The following WDR17 variants were observed in gnomAD, a reference collection of about 807,000 sequenced individuals.
The protein encoded by WDR17 is WD repeat domain 17.
WDR17 carries 143 observed loss-of-function variants against 161.7 expected under a neutral mutation model. The observed-to-expected ratio is 0.88, with a 90% confidence interval of 0.77 to 1.02. The LOEUF (loss-of-function observed/expected upper bound fraction) is 1.02. Ranked by LOEUF, WDR17 falls within the 50% of genes least tolerant of loss-of-function variation. WDR17 has a pLI of 0.00. For synonymous variants in WDR17, 517 were observed against 515.6 expected (o/e 1.00, Z -0.04); for missense variants, 1,469 against 1,520.9 (o/e 0.97, Z 0.57).
chr4:176,075,743 G>A (rs1267661888), intron 1 of WDR17, among the ~76,000 whole-genome samples: 1 of 152,116 alleles, frequency 6.6e-6, no homozygotes, highest in East Asian at 1.9e-4. Context: ...GGAGGCTGAG[G>A]CAGGAGGGTC....
chr4:176,109,120 G>A (rs960022814), intron 1 of WDR17, among the ~76,000 whole-genome samples: 4 of 152,072 alleles, frequency 2.6e-5, no homozygotes, highest in African/African-American at 9.7e-5. Flanking sequence ...TGTGTTTAAA[G>A]ATTTTTCTTT....
chr4:176,097,257 C>A (rs1393839223), intron 1 of WDR17, among the ~76,000 whole-genome samples: 1 of 151,836 alleles, frequency 6.6e-6, no homozygotes, highest in Non-Finnish European at 1.5e-5. Context: ...TAAATGAAGA[C>A]AATTTGTATA....
Position 176,168,617 on chromosome 4 carries a change from A to G in WDR17, c.2991-55A>G, listed in dbSNP as rs80339952. The G allele has an allele frequency of 4.0e-4, 638 of 1,605,590 alleles. 7 individuals carry two copies. The East Asian group carries it at 0.014, about 35-fold the overall frequency. ...TTGCCCTTCTTTGAGATAGTTATGA[A>G]TGTTATTTTTAAATCTTCTCCTCAA... On this transcript the variant is annotated intron_variant, in intron 22 of 28. Coordinates refer to ENST00000508596, the MANE Select transcript of WDR17 (RefSeq NM_181265.4).
At chr4:176,097,996 A>G (rs1561093612) in intron 1 of WDR17, among the ~76,000 whole-genome samples, 3 of 151,956 alleles carry the variant, frequency 2.0e-5, no homozygotes, top group African/African-American at 7.2e-5. Flanking sequence ...AAATATAGAA[A>G]TAGATTGACC....
intron 17 of WDR17, among the ~76,000 whole-genome samples, chr4:176,152,825 C>A (rs1006813027): frequency 6.6e-6 from 1 of 151,400 alleles, no homozygotes; most frequent in South Asian, 2.1e-4. Flanking sequence ...ATCCCAGCTA[C>A]TTGGGAGGCT....
At chr4:176,177,705 T>A (rs746530616) in intron 28 of WDR17, 51 bp downstream of exon 28, 1 of 1,511,564 alleles carries the variant, frequency 6.6e-7, no homozygotes, top group Admixed American at 2.6e-5. Flanking sequence ...TTTACATGTT[T>A]ACTTTTTGAA....
intron 3 of WDR17, among the ~76,000 whole-genome samples, chr4:176,118,479 G>C (rs1027645437): frequency 6.6e-6 from 1 of 152,076 alleles, no homozygotes; most frequent in Non-Finnish European, 1.5e-5. Context: ...TATTTATGGA[G>C]TCCTCATTAT....
chr4:176,172,005 C>T (rs1579262060), intron 23 of WDR17, among the ~76,000 whole-genome samples: 1 of 151,970 alleles, frequency 6.6e-6, no homozygotes, highest in Non-Finnish European at 1.5e-5. Context: ...CATTTAATGT[C>T]GTTTTTGCGC....
intron 1 of WDR17, among the ~76,000 whole-genome samples, chr4:176,102,035 A>G (rs1313021881): frequency 6.6e-6 from 1 of 152,216 alleles, no homozygotes; most frequent in Non-Finnish European, 1.5e-5. Flanking sequence ...CTTTATTAAA[A>G]TGAAAATCTT....
chr4:176,066,352 C>T (rs1464462854), intron 1 of WDR17, among the ~76,000 whole-genome samples: 1 of 152,124 alleles, frequency 6.6e-6, no homozygotes, highest in Non-Finnish European at 1.5e-5. Flanking sequence ...GTGGACATTT[C>T]GAGGGACATT....
chr4:176,125,813 A>G (rs1001121604), intron 5 of WDR17, among the ~76,000 whole-genome samples: 1 of 152,220 alleles, frequency 6.6e-6, no homozygotes, highest in Non-Finnish European at 1.5e-5. Flanking sequence ...CAAGCTGAGT[A>G]ATCTATAAAC....
At chr4:176,118,285 TCTC>T (rs1740961186) in intron 3 of WDR17, among the ~76,000 whole-genome samples, 1 of 152,186 alleles carries the variant, frequency 6.6e-6, no homozygotes, top group South Asian at 2.1e-4. Context: ...TTGCTGTCTT[TCTC>T]TAAATATACA....
intron 1 of WDR17, among the ~76,000 whole-genome samples, chr4:176,109,151 T>C (rs1159968393): frequency 2.0e-5 from 3 of 152,182 alleles, no homozygotes; most frequent in South Asian, 4.1e-4. Context: ...CTTTTCCAAA[T>C]ATAAACTCAA....
intron 22 of WDR17, among the ~76,000 whole-genome samples, chr4:176,167,644 C>CAAAAAAA (rs34187946): frequency 0.025 from 589 of 23,734 alleles, 48 homozygotes; most frequent in African/African-American, 0.054. Flanking sequence ...GACTCCGTCT[C>CAAAAAAA]AAAAAAAAAA....
At chr4:176,150,718 G>T (rs765831551) in intron 16 of WDR17, 125 bp downstream of exon 16, 45 of 945,130 alleles carry the variant, frequency 4.8e-5, no homozygotes, top group Non-Finnish European at 6.0e-5. Flanking sequence ...GAACACTGAG[G>T]AGATCCATCT....
chr4:176,178,145 G>A (rs567146050), intron 28 of WDR17, among the ~76,000 whole-genome samples: 1 of 151,832 alleles, frequency 6.6e-6, no homozygotes, highest in South Asian at 2.1e-4. Context: ...GAAGAAGGCA[G>A]GTTTTGTCAT....
At chr4:176,108,693 A>G (rs150438430) in intron 1 of WDR17, among the ~76,000 whole-genome samples, 628 of 152,168 alleles carry the variant, frequency 4.1e-3, no homozygotes, top group Non-Finnish European at 5.6e-3. Context: ...GTATATGGGA[A>G]ATCTCTGTAC....
intron 4 of WDR17, among the ~76,000 whole-genome samples, chr4:176,122,816 A>G (rs977720069): frequency 6.6e-6 from 1 of 152,208 alleles, no homozygotes; most frequent in African/African-American, 2.4e-5. Context: ...ACTAGCCACG[A>G]TAATGTAGTT....
intron 1 of WDR17, among the ~76,000 whole-genome samples, chr4:176,080,869 A>T (rs1734657074): frequency 6.6e-6 from 1 of 152,062 alleles, no homozygotes; most frequent in Non-Finnish European, 1.5e-5. Flanking sequence ...AAAATTGTGT[A>T]TGAAATGCTT....
Sources: allele counts gnomAD v4.1 joint callset (sites outside exome capture counted in the v4.1 genomes callset), GRCh38; gene constraint gnomAD v4.1.1; transcripts MANE v1.5; gene names NCBI Gene and HGNC (gene_info 2026-07-23, HGNC 2026-07-21).